Variants in NGEF observed in about 807,000 individuals in gnomAD.
NGEF encodes neuronal guanine nucleotide exchange factor.
NGEF carries 31 observed loss-of-function variants against 80.9 expected under a neutral mutation model. The observed-to-expected ratio is 0.38, with a 90% confidence interval of 0.29 to 0.52. The LOEUF is 0.52. Among genes scored for constraint, NGEF ranks in the 20% least tolerant of loss-of-function variants. The pLI, the probability that NGEF is intolerant of heterozygous loss-of-function variation, is 0.84. For synonymous variants in NGEF, 371 were observed against 370.2 expected (o/e 1.00, Z -0.03); for missense variants, 709 against 926.2 (o/e 0.77, Z 3.04).
At chr2:232,939,135 G>A (rs971773661) in intron 3 of NGEF, among the ~76,000 whole-genome samples, 27 of 136,836 alleles carry the variant, frequency 2.0e-4, no homozygotes, top group South Asian at 1.8e-3. Context: ...CCGAGATTGC[G>A]CCACTGGACT....
chr2:232,987,278 A>G (rs1025643436), intron 1 of NGEF, among the ~76,000 whole-genome samples: 1 of 152,122 alleles, frequency 6.6e-6, no homozygotes, highest in African/African-American at 2.4e-5. Flanking sequence ...TCAGCCTCCC[A>G]AAGTGCTGAG....
chr2:232,972,708 G>A (rs1574646627), intron 2 of NGEF, among the ~76,000 whole-genome samples: 2 of 144,644 alleles, frequency 1.4e-5, no homozygotes, highest in Middle Eastern at 3.6e-3. Flanking sequence ...AATCAACCAA[G>A]CCTGCTCCCA....
Position 232,885,330 on chromosome 2 carries a change from G to T in NGEF, c.1387C>A (p.Arg463Ser). The change falls in exon 10 of 15, where the codon CGC becomes AGC. Residue 463 changes from arginine (R) to serine (S), a missense_variant. Arg to Ser is a moderately radical substitution (Grantham distance 110). Around this residue, in one of 2 missense-constraint regions of NGEF, gnomAD observed 426 missense variants for 622.9 expected, o/e 0.68. Transcript: ENST00000264051. ...TGAATGCTGATCATCTGTTCCGTGC[G>T]GCTCATTTTCCTGACGCCCTCGTTG... ...ACNEGVRKMS[R>S]TEQMISIQKK... The T allele has an allele frequency of 6.2e-7, 1 of 1,614,108 alleles. No homozygotes were observed.
At chr2:232,885,952 G>C (rs904536362) in intron 9 of NGEF, among the ~76,000 whole-genome samples, 12 of 152,318 alleles carry the variant, frequency 7.9e-5, no homozygotes, top group African/African-American at 2.9e-4. Context: ...CAGTGGATTC[G>C]ATTAAAATAG....
intron 5 of NGEF, among the ~76,000 whole-genome samples, chr2:232,918,628 G>GTTTTTTGTTTTTTTTTTTTT (rs1692862363): frequency 1.9e-5 from 2 of 108,050 alleles, no homozygotes; most frequent in Admixed American, 9.6e-5. Context: ...TTATTTCTAA[G>GTTTTTTGTTTTTTTTTTTTT]TTTTTTTTTT....
intron 2 of NGEF, among the ~76,000 whole-genome samples, chr2:232,972,683 C>T (rs565023170): frequency 1.7e-4 from 26 of 149,704 alleles, no homozygotes; most frequent in African/African-American, 4.6e-4. Flanking sequence ...GCACAGCCAC[C>T]GGGTACCTGC....
In NGEF at chr2:233,008,667, C is replaced by T. The variant is rs753437142; in HGVS notation, c.-75+4401G>A. On this transcript the variant is annotated intron_variant, in intron 1 of 14. Transcript: ENST00000264051. The stretch of plus-strand genomic sequence containing the variant: ...CAAGTTGCTTGCCCTTCTGCAGAGC[C>T]TATATTTTGAAGGATTTGTCTCTGG... 2.6e-5 allele frequency among the ~76,000 whole-genome samples: 4 copies of T among 152,246 alleles called. No individual in the cohort carries two copies. In the South Asian group the frequency reaches 8.3e-4, roughly 32 times the overall value.
chr2:232,956,997 G>T (rs1207575684), intron 3 of NGEF, among the ~76,000 whole-genome samples: 2 of 152,000 alleles, frequency 1.3e-5, no homozygotes, highest in Non-Finnish European at 2.9e-5. Flanking sequence ...TTGGCATTAA[G>T]AATTAAAGCC....
intron 2 of NGEF, 54 bp from the exon 3 acceptor site, chr2:232,970,382 G>T: frequency 1.7e-6 from 2 of 1,189,276 alleles, no homozygotes; most frequent in Non-Finnish European, 2.4e-6. Flanking sequence ...ACCCTTTTCA[G>T]GCAATTCTCT....
intron 3 of NGEF, among the ~76,000 whole-genome samples, chr2:232,932,106 C>T (rs1693225289): frequency 6.6e-6 from 1 of 150,730 alleles, no homozygotes; most frequent in Non-Finnish European, 1.5e-5. Context: ...TAAGAAGATA[C>T]AAGTGTTCTC....
intron 3 of NGEF, among the ~76,000 whole-genome samples, chr2:232,946,700 A>T (rs565084191): frequency 1.1e-4 from 17 of 152,328 alleles, no homozygotes; most frequent in African/African-American, 4.1e-4. Context: ...CATGTCTGAG[A>T]TACAGAAAGC....
chr2:232,879,455 C>T lies in NGEF; in HGVS notation c.*34G>A, dbSNP rs370932097. ...CCCCACCTTCTGTCGGGGTCTCATG[C>T]AGGCCCTGCTCCCGCTGGCCCCCTG... On this transcript the variant is annotated 3_prime_UTR_variant, in exon 15 of 15. Transcript: ENST00000264051. The T allele has an allele frequency of 1.5e-5, 21 of 1,374,592 alleles. No individual in the cohort carries two copies. The highest frequency in any genetic ancestry group is 2.0e-5 in the Non-Finnish European group (20 of 989,418). The allele number at this position is 1,374,592 out of a possible 1,614,324, so 85.1% of individuals were successfully genotyped here.
chr2:232,971,802 T>C (rs1244608722), intron 2 of NGEF, among the ~76,000 whole-genome samples: 7 of 152,220 alleles, frequency 4.6e-5, no homozygotes, highest in Non-Finnish European at 1.0e-4. Flanking sequence ...TTGGCTCAGC[T>C]TGGGGAGGTC....
rs1173823735 is a variant in NGEF at position 232,906,986 on chromosome 2, T to G, written c.829-12070A>C. 2.7e-5 allele frequency among the ~76,000 whole-genome samples: 4 copies of G among 149,268 alleles called. No individual in the cohort carries two copies. The South Asian group carries it at 6.6e-4, about 24-fold the overall frequency. On this transcript the variant is annotated intron_variant, in intron 5 of 14. Coordinates refer to ENST00000264051, the MANE Select transcript of NGEF (RefSeq NM_019850.3). ...GTTAAACAGATGCTTGAAGGCAGCA[T>G]GCTCGTTAAGAGTCATCACCACTCC...
At chr2:232,942,322 C>T (rs1693453349) in intron 3 of NGEF, among the ~76,000 whole-genome samples, 1 of 152,176 alleles carries the variant, frequency 6.6e-6, no homozygotes, top group African/African-American at 2.4e-5. Context: ...GTGAGCCTGC[C>T]CCACTTGTCG....
At chr2:233,004,617 A>T (rs1695049828) in intron 1 of NGEF, among the ~76,000 whole-genome samples, 1 of 152,184 alleles carries the variant, frequency 6.6e-6, no homozygotes, top group Non-Finnish European at 1.5e-5. Flanking sequence ...GTGGAAAAAC[A>T]CATAGTGCAT....
At chr2:232,900,942 G>C (rs2592103) in intron 5 of NGEF, among the ~76,000 whole-genome samples, 121,811 of 152,188 alleles carry the variant, frequency 0.8, 48,944 homozygotes, top group African/African-American at 0.85. Context: ...GGTGACGTCC[G>C]GCGGCCTCAG....
At chr2:232,899,563 C>T (rs868523936) in intron 5 of NGEF, among the ~76,000 whole-genome samples, 5 of 150,446 alleles carry the variant, frequency 3.3e-5, no homozygotes, top group African/African-American at 9.9e-5. Context: ...CATTCACTTA[C>T]ACACATGCTC....
At chr2:232,967,533 T>C (rs965556357) in intron 3 of NGEF, among the ~76,000 whole-genome samples, 2 of 152,066 alleles carry the variant, frequency 1.3e-5, no homozygotes, top group African/African-American at 2.4e-5. Context: ...CAGGGTTTTG[T>C]CATATTGGCC....
Sources: allele counts gnomAD v4.1 joint callset (sites outside exome capture counted in the v4.1 genomes callset), GRCh38; gene constraint gnomAD v4.1.1; regional missense constraint gnomAD v4.1.1; transcripts MANE v1.5; gene names NCBI Gene and HGNC (gene_info 2026-07-23, HGNC 2026-07-21).